Variants in UGT1A9 observed in about 807,000 individuals in gnomAD.
UGT1A9 encodes the protein UDP glucuronosyltransferase family 1 member A9.
A neutral mutation model predicts 45.0 loss-of-function variants in UGT1A9; 35 were observed. The observed-to-expected ratio is 0.78, with a 90% CI of 0.59 to 1.03. UGT1A9 has a LOEUF of 1.03. Ranked by LOEUF, UGT1A9 falls within the 50% of genes least tolerant of loss-of-function variation. The pLI is 0.00. For missense variants in UGT1A9, 687 were observed against 666.6 expected (o/e 1.03, Z -0.34); for synonymous variants, 278 against 250.6 (o/e 1.11, Z -1.03).
intron 1 of UGT1A9, among the ~76,000 whole-genome samples, chr2:233,758,687 A>G (rs1165998608): frequency 6.6e-5 from 10 of 152,210 alleles, no homozygotes; most frequent in Non-Finnish European, 1.5e-4. Flanking sequence ...CCCATAGGAC[A>G]CCAAAACTCT....
chr2:233,742,319 G>A (rs1288703999), intron 1 of UGT1A9, among the ~76,000 whole-genome samples: 1 of 151,924 alleles, frequency 6.6e-6, no homozygotes, highest in African/African-American at 2.4e-5. Flanking sequence ...TATTCCTTAC[G>A]GGAAACAAAG....
At chr2:233,725,185 C>G (rs113275054) in intron 1 of UGT1A9, among the ~76,000 whole-genome samples, 730 of 70,066 alleles carry the variant, frequency 0.01, 54 homozygotes, top group African/African-American at 0.042. Context: ...TGGGGAGAGG[C>G]AGAGGCAGAG....
Position 233,772,277 on chromosome 2 carries a change from C to G in UGT1A9, c.1311C>G (p.Ile437Met). 1 of 1,614,240 alleles carries G rather than the reference C, an allele frequency of 6.2e-7. No individual in the cohort carries two copies. Among genetic ancestry groups the G allele is most frequent in the Non-Finnish European group, 8.5e-7 (1 of 1,180,042 alleles). Residue 437 changes from isoleucine (I) to methionine (M), a missense_variant, in exon 5 of 5, where the codon ATC (isoleucine) becomes ATG (methionine). Ile to Met is a conservative substitution (Grantham distance 10). Transcript: ENST00000354728. Reference protein sequence around the residue: ...VINDKSYKENIMRLSSLHKDR... With the variant: ...VINDKSYKENMMRLSSLHKDR... ...TTGTGTTTAGTTACAAGGAGAACAT[C>G]ATGCGCCTCTCCAGCCTTCACAAGG...
At position 233,672,589 on chromosome 2, in the gene UGT1A9, T is replaced by C. The variant is rs1226858961; in HGVS notation, c.655T>C (p.Leu219=). Residue 219 remains leucine, a synonymous_variant, in exon 1 of 5, where the codon TTA becomes CTA. Transcript: ENST00000354728. ...CATCATGCACTTGGAGGAACATTTA[T>C]TATGCCACCGTTTTTTCAAAAATGC... ...NHIMHLEEHL[L]CHRFFKNALE... is the part of the protein sequence containing the mutation. The C allele has an allele frequency of 6.2e-7, 1 of 1,613,940 alleles. No individual in the cohort carries two copies. The highest frequency in any genetic ancestry group is 1.1e-5 in the South Asian group (1 of 91,082).
chr2:233,673,039 T>C (rs971993877), intron 1 of UGT1A9, among the ~76,000 whole-genome samples: 31 of 152,336 alleles, frequency 2.0e-4, no homozygotes, highest in African/African-American at 7.5e-4. Context: ...AAGTACCATG[T>C]TTAGAAAAGT....
At chr2:233,685,588 G>T (rs17864689) in intron 1 of UGT1A9, among the ~76,000 whole-genome samples, 5,777 of 152,230 alleles carry the variant, frequency 0.038, 136 homozygotes, top group Non-Finnish European at 0.059. Flanking sequence ...CAAGCCCAAG[G>T]CCTCCCTCCA....
At chr2:233,719,992 A>G (rs1452889114) in intron 1 of UGT1A9, among the ~76,000 whole-genome samples, 2 of 152,184 alleles carry the variant, frequency 1.3e-5, no homozygotes, top group African/African-American at 4.8e-5. Flanking sequence ...GATCAGGGAC[A>G]CTACATTCAG....
chr2:233,756,397 G>GTT (rs1005447677), intron 1 of UGT1A9: 1 of 151,856 alleles, frequency 6.6e-6, no homozygotes, highest in African/African-American at 2.4e-5. Flanking sequence ...TACAGTATTG[G>GTT]TTTTTTATTT....
chr2:233,764,150 T>C (rs770421486), intron 1 of UGT1A9, among the ~76,000 whole-genome samples: 21 of 152,376 alleles, frequency 1.4e-4, no homozygotes, highest in Non-Finnish European at 2.4e-4. Flanking sequence ...TCATTTTGGC[T>C]GGTGAAGTCT....
At chr2:233,731,289 T>C (rs2078133665) in intron 1 of UGT1A9, among the ~76,000 whole-genome samples, 1 of 152,126 alleles carries the variant, frequency 6.6e-6, no homozygotes, top group East Asian at 1.9e-4. Context: ...TCTTTCTTTT[T>C]TTTTTTTTTA....
chr2:233,735,501 C>A (rs1331221711), intron 1 of UGT1A9, among the ~76,000 whole-genome samples: 1 of 152,100 alleles, frequency 6.6e-6, no homozygotes, highest in African/African-American at 2.4e-5. Flanking sequence ...CAGCATTTAG[C>A]CCATTTACAT....
intron 1 of UGT1A9, among the ~76,000 whole-genome samples, chr2:233,710,083 T>C (rs1270176651): frequency 6.6e-6 from 1 of 152,240 alleles, no homozygotes; most frequent in Non-Finnish European, 1.5e-5. Flanking sequence ...TCCTTTCACA[T>C]TGTTGCATGT....
chr2:233,734,300 G>GAAGA (rs2078508632), intron 1 of UGT1A9, among the ~76,000 whole-genome samples: 1 of 152,112 alleles, frequency 6.6e-6, no homozygotes, highest in Non-Finnish European at 1.5e-5. Context: ...AGATTTTCTA[G>GAAGA]TTTATTTGTG....
intron 1 of UGT1A9, among the ~76,000 whole-genome samples, chr2:233,724,643 C>T (rs1474799559): frequency 2.1e-5 from 3 of 141,252 alleles, no homozygotes; most frequent in Non-Finnish European, 3.1e-5. Flanking sequence ...GATGTGATGG[C>T]GGCTGGGAAG....
intron 1 of UGT1A9, chr2:233,743,410 C>A: frequency 2.3e-6 from 3 of 1,318,156 alleles, no homozygotes; most frequent in African/African-American, 1.5e-5. Flanking sequence ...AAGGCCCCCA[C>A]TTCCCAGGGA....
chr2:233,685,025 G>T (rs1263917221), intron 1 of UGT1A9, among the ~76,000 whole-genome samples: 1 of 152,138 alleles, frequency 6.6e-6, no homozygotes, highest in East Asian at 1.9e-4. Context: ...GTGTCTGTAT[G>T]TGCAGGTGTG....
At chr2:233,687,268 C>T (rs1040651749) in intron 1 of UGT1A9, among the ~76,000 whole-genome samples, 18 of 152,168 alleles carry the variant, frequency 1.2e-4, no homozygotes, top group Non-Finnish European at 2.4e-4. Flanking sequence ...ACCATGCATT[C>T]AGACTCTCTT....
At chr2:233,680,692 CA>C (rs112385329) in intron 1 of UGT1A9, among the ~76,000 whole-genome samples, 2,141 of 152,216 alleles carry the variant, frequency 0.014, 63 homozygotes, top group African/African-American at 0.049. Flanking sequence ...AGGATGAAAA[CA>C]GGTAGAAGAT....
intron 1 of UGT1A9, among the ~76,000 whole-genome samples, chr2:233,726,714 A>C (rs1575568254): frequency 2.0e-5 from 3 of 152,340 alleles, no homozygotes; most frequent in Admixed American, 2.0e-4. Flanking sequence ...GGTTTGAGGA[A>C]GTACAATGTA....
Sources: allele counts gnomAD v4.1 joint callset (sites outside exome capture counted in the v4.1 genomes callset), GRCh38; gene constraint gnomAD v4.1.1; transcripts MANE v1.5; gene names NCBI Gene and HGNC (gene_info 2026-07-23, HGNC 2026-07-21).